The following PIGK variants were observed in gnomAD, a reference collection of about 807,000 sequenced individuals.
The protein encoded by PIGK is GPI-anchor transamidase.
A neutral mutation model predicts 50.6 loss-of-function variants in PIGK; 42 were observed. That is an observed-to-expected ratio of 0.83 (90% confidence interval 0.65 to 1.07). The LOEUF is 1.07. Among genes scored for constraint, PIGK ranks in the 50% least tolerant of loss-of-function variants. The pLI is 0.00. For missense variants in PIGK, 448 were observed against 488.7 expected (o/e 0.92, Z 0.78); for synonymous variants, 151 against 156.0 (o/e 0.97, Z 0.24).
At chr1:77,170,738 G>T (rs1177263543) in intron 3 of PIGK, among the ~76,000 whole-genome samples, 1 of 152,126 alleles carries the variant, frequency 6.6e-6, no homozygotes, top group Non-Finnish European at 1.5e-5. Context: ...CATTAAAACT[G>T]GTGAGTAACA....
At chr1:77,151,632 G>GA (rs1255566010) in intron 9 of PIGK, among the ~76,000 whole-genome samples, 3 of 152,024 alleles carry the variant, frequency 2.0e-5, no homozygotes, top group Non-Finnish European at 2.9e-5. Context: ...TAGAACTGAT[G>GA]AACAAATTCA....
At chr1:77,185,936 A>G (rs1655728372) in intron 3 of PIGK, among the ~76,000 whole-genome samples, 1 of 152,212 alleles carries the variant, frequency 6.6e-6, no homozygotes, top group Non-Finnish European at 1.5e-5. Context: ...GAAACTGAAC[A>G]TTTGACTATG....
chr1:77,165,197 A>G (rs1012877978), intron 5 of PIGK, among the ~76,000 whole-genome samples: 2 of 152,184 alleles, frequency 1.3e-5, no homozygotes, highest in South Asian at 2.1e-4. Flanking sequence ...GAGTTCCAAC[A>G]GAATCAGGAA....
chr1:77,167,368 C>A (rs1655259233), intron 4 of PIGK, among the ~76,000 whole-genome samples: 1 of 151,982 alleles, frequency 6.6e-6, no homozygotes, highest in Admixed American at 6.6e-5. Context: ...AGTAAAACTA[C>A]CTTGGAGAAA....
intron 10 of PIGK, among the ~76,000 whole-genome samples, chr1:77,097,086 T>A (rs1557790322): frequency 6.6e-6 from 1 of 151,858 alleles, no homozygotes; most frequent in African/African-American, 2.4e-5. Context: ...TATGCAGCCA[T>A]AAAAAATGAT....
chr1:77,193,245 A>G (rs1269761309), intron 3 of PIGK, among the ~76,000 whole-genome samples: 6 of 144,874 alleles, frequency 4.1e-5, no homozygotes, highest in African/African-American at 1.3e-4. Flanking sequence ...TGGCATGAGA[A>G]TGTGTGTGTG....
chr1:77,194,071 C>CAA (rs35553970), intron 3 of PIGK, among the ~76,000 whole-genome samples: 53,103 of 151,936 alleles, frequency 0.35, 10,075 homozygotes, highest in East Asian at 0.44. Context: ...AGCCAACAAA[C>CAA]ATAGGAAAAA....
At chr1:77,142,625 G>A (rs985630196) in intron 9 of PIGK, among the ~76,000 whole-genome samples, 3 of 152,148 alleles carry the variant, frequency 2.0e-5, no homozygotes, top group African/African-American at 7.2e-5. Flanking sequence ...CATGGCAGAA[G>A]GCAAAGGGGA....
chr1:77,173,977 G>A (rs565327937), intron 3 of PIGK, among the ~76,000 whole-genome samples: 16 of 152,252 alleles, frequency 1.1e-4, no homozygotes, highest in Non-Finnish European at 2.4e-4. Flanking sequence ...ATCTTGAGCA[G>A]TTAAAAGCCT....
At chr1:77,185,963 T>C (rs1268845669) in intron 3 of PIGK, among the ~76,000 whole-genome samples, 2 of 152,240 alleles carry the variant, frequency 1.3e-5, no homozygotes, top group Non-Finnish European at 2.9e-5. Flanking sequence ...CAAGTCACCA[T>C]GCGACCTGAA....
At chr1:77,174,922 TTCTG>T (rs34188971) in intron 3 of PIGK, among the ~76,000 whole-genome samples, 1 of 151,606 alleles carries the variant, frequency 6.6e-6, no homozygotes, top group African/African-American at 2.4e-5. Context: ...CTGGATCTTC[TTCTG>T]TCTATCTGTA....
chr1:77,147,723 C>T (rs893381870), intron 9 of PIGK, among the ~76,000 whole-genome samples: 21 of 152,304 alleles, frequency 1.4e-4, no homozygotes, highest in African/African-American at 3.4e-4. Flanking sequence ...ATGTATACTA[C>T]GATGAAGCTG....
intron 10 of PIGK, among the ~76,000 whole-genome samples, chr1:77,116,097 G>A (rs1165890824): frequency 2.0e-5 from 3 of 151,972 alleles, no homozygotes; most frequent in Non-Finnish European, 2.9e-5. Flanking sequence ...TTGTTTACAC[G>A]GAGCCTCTGC....
chr1:77,208,386 T>C (rs1450263129), intron 2 of PIGK, among the ~76,000 whole-genome samples: 1 of 152,198 alleles, frequency 6.6e-6, no homozygotes, highest in Non-Finnish European at 1.5e-5. Flanking sequence ...GTTACTGAAA[T>C]TGAAGAGAGG....
intron 3 of PIGK, among the ~76,000 whole-genome samples, chr1:77,201,711 A>G (rs1174970505): frequency 1.3e-5 from 2 of 152,156 alleles, no homozygotes; most frequent in African/African-American, 4.8e-5. Context: ...ACTGCACTCC[A>G]GCCTGGGGTA....
At chr1:77,117,885 A>G (rs1654014349) in intron 10 of PIGK, among the ~76,000 whole-genome samples, 1 of 152,118 alleles carries the variant, frequency 6.6e-6, no homozygotes, top group African/African-American at 2.4e-5. Flanking sequence ...ATACTTGCAA[A>G]TGTTGGTACC....
At chr1:77,143,999 G>A (rs1654712193) in intron 9 of PIGK, among the ~76,000 whole-genome samples, 1 of 151,978 alleles carries the variant, frequency 6.6e-6, no homozygotes, top group Non-Finnish European at 1.5e-5. Context: ...ACTATATGAG[G>A]TAGAGTTATT....
chr1:77,216,851 A>G (rs1656579387), intron 1 of PIGK, among the ~76,000 whole-genome samples: 1 of 152,188 alleles, frequency 6.6e-6, no homozygotes, highest in Admixed American at 6.5e-5. Context: ...TTCCACCTCC[A>G]AAGTTCTTAC....
At chr1:77,148,680 T>C (rs2100547514) in intron 9 of PIGK, among the ~76,000 whole-genome samples, 1 of 152,084 alleles carries the variant, frequency 6.6e-6, no homozygotes, top group East Asian at 1.9e-4. Flanking sequence ...TTTCTCTTTT[T>C]TGGTGATTGA....
Sources: allele counts gnomAD v4.1 joint callset (sites outside exome capture counted in the v4.1 genomes callset), GRCh38; gene constraint gnomAD v4.1.1; transcripts MANE v1.5; gene names NCBI Gene and HGNC (gene_info 2026-07-23, HGNC 2026-07-21).